Variants in NR2C1 observed in about 807,000 individuals in gnomAD.
NR2C1 encodes nuclear receptor subfamily 2 group C member 1.
In NR2C1, 33 loss-of-function variants were observed where a neutral mutation model predicts 74.8. That is an observed-to-expected ratio of 0.44 (90% CI 0.33 to 0.59). The LOEUF is 0.59. NR2C1 is among the 20% of genes least tolerant of loss of function. The pLI, the probability that NR2C1 is intolerant of heterozygous loss-of-function variation, is 0.02. For synonymous variants in NR2C1, 225 were observed against 240.6 expected, an observed-to-expected ratio of 0.94 and a Z score of 0.60; for missense variants, 568 against 715.6, an observed-to-expected ratio of 0.79 and a Z score of 2.35.
rs139636105 is a variant in NR2C1 at position 95,054,110 on chromosome 12, T to A, written c.784-2167A>T. ...AATAATTTTTGTGCCTTCTCCAAAT[T>A]AATCAATGGTCCAAAAATCATTTAC... On this transcript the variant is annotated intron_variant, in intron 7 of 13. Coordinates refer to ENST00000333003, the MANE Select transcript of NR2C1 (RefSeq NM_003297.4). Among the ~76,000 whole-genome samples the A allele has an allele frequency of 9.1e-4, 138 of 152,346 alleles. 1 individual carries two copies. Among genetic ancestry groups the A allele is most frequent in the African/African-American group, 3.0e-3 (124 of 41,584 alleles).
In NR2C1 at chr12:95,043,600, G is replaced by C. The variant is rs532851570; in HGVS notation, c.1132-3003C>G. ...GCTACTCGGGAGGCTGAGGTGCCAA[G>C]AACAGCTGGAACCCAGCGGGTAGAG... On this transcript the variant is annotated intron_variant, in intron 9 of 13. Coordinates refer to ENST00000333003, the MANE Select transcript of NR2C1 (RefSeq NM_003297.4). 6.0e-5 allele frequency among the ~76,000 whole-genome samples: 9 copies of C among 149,430 alleles called. No individual in the cohort carries two copies. In the East Asian group the frequency reaches 1.4e-3, roughly 23 times the overall value.
At chr12:95,070,899 A>C (rs762792036) in intron 1 of NR2C1, among the ~76,000 whole-genome samples, 17 of 152,036 alleles carry the variant, frequency 1.1e-4, no homozygotes, top group Non-Finnish European at 1.6e-4. Context: ...ATTCCACCTG[A>C]CTTTTAAGAT....
intron 10 of NR2C1, among the ~76,000 whole-genome samples, chr12:95,039,675 C>T (rs945537221): frequency 4.6e-5 from 7 of 152,200 alleles, no homozygotes; most frequent in Non-Finnish European, 8.8e-5. Flanking sequence ...CGTCCCAGGC[C>T]GGAGTGCAGT....
intron 10 of NR2C1, among the ~76,000 whole-genome samples, chr12:95,034,970 A>G (rs1340334219): frequency 6.6e-6 from 1 of 152,194 alleles, no homozygotes; most frequent in Non-Finnish European, 1.5e-5. Context: ...AGTGGGCGAA[A>G]ATACATACAC....
intron 11 of NR2C1, chr12:95,030,958 T>C: frequency 9.3e-7 from 1 of 1,078,584 alleles, no homozygotes; most frequent in South Asian, 1.4e-5. Context: ...GATGAATTGA[T>C]ACAAAATCAA....
intron 11 of NR2C1, among the ~76,000 whole-genome samples, chr12:95,030,091 G>C (rs1297932283): frequency 6.6e-6 from 1 of 152,114 alleles, no homozygotes; most frequent in Admixed American, 6.6e-5. Flanking sequence ...GTCCAGGCTA[G>C]TCTCGAACTC....
At chr12:95,036,699 C>T (rs1402795655) in intron 10 of NR2C1, among the ~76,000 whole-genome samples, 1 of 151,802 alleles carries the variant, frequency 6.6e-6, no homozygotes, top group African/African-American at 2.4e-5. Context: ...TTAGTAGAGA[C>T]AGGGTTTTGC....
At chr12:95,040,297 A>G (rs576687960) in intron 10 of NR2C1, among the ~76,000 whole-genome samples, 179 bp downstream of exon 10, 3 of 152,334 alleles carry the variant, frequency 2.0e-5, no homozygotes, top group East Asian at 3.9e-4. Context: ...ACTCTTCCAC[A>G]TAAATACAGA....
At chr12:95,027,043 A>G (rs569785386) in intron 12 of NR2C1, among the ~76,000 whole-genome samples, 6 of 152,256 alleles carry the variant, frequency 3.9e-5, no homozygotes, top group South Asian at 2.1e-4. Flanking sequence ...ATAAAGGTCT[A>G]TAACATTTTT....
chr12:95,033,092 A>G (rs1870360083), intron 10 of NR2C1, among the ~76,000 whole-genome samples: 1 of 151,534 alleles, frequency 6.6e-6, no homozygotes, highest in Non-Finnish European at 1.5e-5. Flanking sequence ...CCATGATTGC[A>G]TCTGTGAAGA....
chr12:95,041,590 T>C (rs1436126887), intron 9 of NR2C1, among the ~76,000 whole-genome samples: 2 of 152,208 alleles, frequency 1.3e-5, no homozygotes, highest in Non-Finnish European at 2.9e-5. Context: ...TCAGTTTATA[T>C]TGCTGATCTA....
chr12:95,066,683 C>T (rs1184798988), intron 2 of NR2C1, among the ~76,000 whole-genome samples: 1 of 152,146 alleles, frequency 6.6e-6, no homozygotes, highest in Non-Finnish European at 1.5e-5. Flanking sequence ...ATACACTGGT[C>T]ATCCGGAAAG....
chr12:95,057,818 G>T lies in NR2C1; in HGVS notation c.605C>A (p.Ala202Asp). The change falls in exon 6 of 14, where the codon GCT becomes GAT. Residue 202 changes from alanine (A) to aspartate (D), a missense_variant. Transcript: ENST00000333003. ...VSREKSSNCA[A>D]STEKIYIRKD... ...TCGGATATAGATTTTTTCTGTTGAA[G>T]CGGCACAGTTGGAAGATTTTTCTCG... 1 of 1,614,048 alleles carries T rather than the reference G, an allele frequency of 6.2e-7. No individual in the cohort carries two copies. Among genetic ancestry groups the T allele is most frequent in the South Asian group, 1.1e-5 (1 of 91,074 alleles).
At chr12:95,027,244 A>G (rs888368361) in intron 12 of NR2C1, among the ~76,000 whole-genome samples, 7 of 152,044 alleles carry the variant, frequency 4.6e-5, no homozygotes, top group Admixed American at 3.9e-4. Flanking sequence ...TGATTTTTGT[A>G]GAGAAGAGGT....
At chr12:95,062,386 A>C (rs1874910772) in intron 3 of NR2C1, 122 bp downstream of exon 3, 3 of 656,536 alleles carry the variant, frequency 4.6e-6, no homozygotes, top group Non-Finnish European at 7.8e-6. Flanking sequence ...TGTGTTACAC[A>C]TAATTTTATG....
intron 10 of NR2C1, among the ~76,000 whole-genome samples, chr12:95,035,584 T>A (rs947858557): frequency 6.6e-6 from 1 of 152,100 alleles, no homozygotes; most frequent in Non-Finnish European, 1.5e-5. Flanking sequence ...CCAAAATTAT[T>A]ACTAAGGAAA....
At chr12:95,040,708 C>A in intron 9 of NR2C1, 111 bp from the exon 10 acceptor site, 7 of 972,794 alleles carry the variant, frequency 7.2e-6, no homozygotes, top group Admixed American at 2.8e-5. Flanking sequence ...AATATATTCA[C>A]AAAAAAAGCT....
At chr12:95,027,565 G>C (rs897853109) in intron 12 of NR2C1, among the ~76,000 whole-genome samples, 5 of 151,982 alleles carry the variant, frequency 3.3e-5, no homozygotes, top group African/African-American at 1.2e-4. Flanking sequence ...AGTGAAACTT[G>C]TCTCTACTAA....
intron 12 of NR2C1, among the ~76,000 whole-genome samples, chr12:95,025,637 A>AC (rs1314684672): frequency 6.8e-6 from 1 of 147,262 alleles, no homozygotes; most frequent in African/African-American, 2.5e-5. Flanking sequence ...CAGCCTGGGC[A>AC]ACAAGAGTGA....
Sources: allele counts gnomAD v4.1 joint callset (sites outside exome capture counted in the v4.1 genomes callset), GRCh38; gene constraint gnomAD v4.1.1; transcripts MANE v1.5; gene names NCBI Gene and HGNC (gene_info 2026-07-23, HGNC 2026-07-21).